SLC25A21: variants seen among roughly 807,000 people sequenced by gnomAD.
The protein encoded by SLC25A21 is solute carrier family 25 member 21, also known as mitochondrial 2-oxodicarboxylate carrier.
Under a neutral mutation model 43.8 loss-of-function variants are expected in SLC25A21, and 47 were observed. That is an observed-to-expected ratio of 1.07 (90% CI 0.85 to 1.37). The LOEUF is 1.37. SLC25A21 is among the 40% of genes most tolerant of loss of function. SLC25A21 has a pLI of 0.00. For missense variants in SLC25A21, 352 were observed against 350.2 expected (o/e 1.00, Z -0.04); for synonymous variants, 131 against 121.3 (o/e 1.08, Z -0.52).
At chr14:36,708,744 GTTTT>G (rs58837881) in intron 7 of SLC25A21, among the ~76,000 whole-genome samples, 30 of 108,448 alleles carry the variant, frequency 2.8e-4, no homozygotes, top group East Asian at 2.3e-3. Context: ...GCTAACGTTA[GTTTT>G]TTTTTTTTTT....
chr14:36,822,714 T>C (rs1160174275), intron 2 of SLC25A21, among the ~76,000 whole-genome samples: 1 of 152,216 alleles, frequency 6.6e-6, no homozygotes, highest in Non-Finnish European at 1.5e-5. Context: ...AAAAATACTA[T>C]CTCTCTGAAA....
intron 1 of SLC25A21, among the ~76,000 whole-genome samples, chr14:36,997,793 C>A (rs1215767026): frequency 3.4e-5 from 5 of 146,960 alleles, no homozygotes; most frequent in Admixed American, 3.4e-4. Context: ...GCACTGCAGC[C>A]TCAGTGACAA....
chr14:36,695,171 C>G (rs972494882), intron 7 of SLC25A21, among the ~76,000 whole-genome samples: 1 of 152,154 alleles, frequency 6.6e-6, no homozygotes, highest in Non-Finnish European at 1.5e-5. Flanking sequence ...ATAGGGAATC[C>G]TTTCCCCATT....
chr14:36,753,424 A>C (rs1885790262), intron 3 of SLC25A21, among the ~76,000 whole-genome samples: 1 of 152,114 alleles, frequency 6.6e-6, no homozygotes, highest in Non-Finnish European at 1.5e-5. Context: ...TATCAAAAGG[A>C]GAGAGAAAAT....
At chr14:37,122,645 G>GAC in intron 1 of SLC25A21, among the ~76,000 whole-genome samples, 1 of 111,016 alleles carries the variant, frequency 9.0e-6, no homozygotes, top group African/African-American at 3.3e-5. Flanking sequence ...TATAGTATGA[G>GAC]TACAACATTT....
chr14:37,069,547 T>C lies in SLC25A21; in HGVS notation c.70+102734A>G, dbSNP rs1032940652. On this transcript the variant is annotated intron_variant, in intron 1 of 9. Transcript: ENST00000331299. ...AGAAACAGTACCACATGCATCCTAA[T>C]AGAACTGCAGGCTGTTTTAATTTTA... is the stretch of plus-strand genomic sequence containing the variant. 1.3e-4 allele frequency among the ~76,000 whole-genome samples: 20 copies of C among 152,326 alleles called. No homozygotes were observed. The East Asian group carries it at 3.7e-3, about 28-fold the overall frequency.
chr14:36,925,905 AT>A (rs1234304613), intron 1 of SLC25A21, among the ~76,000 whole-genome samples: 1 of 152,056 alleles, frequency 6.6e-6, no homozygotes, highest in Non-Finnish European at 1.5e-5. Flanking sequence ...AAAGAAGAGA[AT>A]TGAAAGAAGT....
intron 1 of SLC25A21, among the ~76,000 whole-genome samples, chr14:37,164,484 A>G (rs1338516022): frequency 6.6e-6 from 1 of 152,164 alleles, no homozygotes; most frequent in Non-Finnish European, 1.5e-5. Flanking sequence ...CTGAATTTCC[A>G]AAGGTGCCAT....
chr14:36,977,933 T>C (rs1959917742), intron 1 of SLC25A21, among the ~76,000 whole-genome samples: 1 of 131,232 alleles, frequency 7.6e-6, no homozygotes, highest in South Asian at 2.5e-4. Context: ...CCTCAGTGAT[T>C]ACAAAGCTTT....
intron 1 of SLC25A21, among the ~76,000 whole-genome samples, chr14:36,923,946 C>G (rs1256603755): frequency 1.3e-5 from 2 of 152,140 alleles, no homozygotes; most frequent in Non-Finnish European, 2.9e-5. Flanking sequence ...CACTGGCCAT[C>G]AGAGAAATGC....
intron 1 of SLC25A21, among the ~76,000 whole-genome samples, chr14:36,981,545 G>A (rs1343525543): frequency 2.0e-5 from 3 of 152,162 alleles, no homozygotes; most frequent in Non-Finnish European, 4.4e-5. Flanking sequence ...GTAGGAACAT[G>A]GATGAAGCTG....
intron 1 of SLC25A21, among the ~76,000 whole-genome samples, chr14:37,111,691 T>C (rs1488811285): frequency 6.6e-6 from 1 of 152,224 alleles, no homozygotes; most frequent in Non-Finnish European, 1.5e-5. Flanking sequence ...ATTGCTACCA[T>C]ATATTTACTC....
chr14:37,008,252 C>T (rs1357585758), intron 1 of SLC25A21, among the ~76,000 whole-genome samples: 1 of 152,152 alleles, frequency 6.6e-6, no homozygotes, highest in Non-Finnish European at 1.5e-5. Context: ...CAGGCTTCTT[C>T]TTAATCTAAA....
At chr14:36,681,459 C>A (rs988674900) in intron 9 of SLC25A21, among the ~76,000 whole-genome samples, 2 of 152,182 alleles carry the variant, frequency 1.3e-5, no homozygotes, top group Non-Finnish European at 2.9e-5. Context: ...GGCACTGAGG[C>A]TGCTGAATAC....
chr14:37,040,954 G>A (rs1237473532), intron 1 of SLC25A21, among the ~76,000 whole-genome samples: 2 of 152,008 alleles, frequency 1.3e-5, no homozygotes, highest in African/African-American at 4.8e-5. Flanking sequence ...TGAGTTTGAT[G>A]TTGTATGAGA....
chr14:37,080,924 C>T lies in SLC25A21; in HGVS notation c.70+91357G>A, dbSNP rs116785622. Among the ~76,000 whole-genome samples the T allele has an allele frequency of 1.5e-3, 232 of 152,202 alleles. 1 individual carries two copies. Among genetic ancestry groups the T allele is most frequent in the African/African-American group, 5.2e-3 (215 of 41,530 alleles). On this transcript the variant is annotated intron_variant, in intron 1 of 9. Coordinates refer to ENST00000331299, the MANE Select transcript of SLC25A21 (RefSeq NM_030631.4). ...AAATATACAATTGTCTTTGGCTAAT[C>T]CAAAAGTTGTAGGTAGAATGAATAA...
chr14:37,061,928 G>T (rs866805158), intron 1 of SLC25A21, among the ~76,000 whole-genome samples: 1 of 152,138 alleles, frequency 6.6e-6, no homozygotes, highest in South Asian at 2.1e-4. Flanking sequence ...GACCGCCTAA[G>T]GGGAGGCCAC....
chr14:36,775,022 C>G (rs1886771754), intron 3 of SLC25A21, among the ~76,000 whole-genome samples: 1 of 152,186 alleles, frequency 6.6e-6, no homozygotes, highest in Admixed American at 6.5e-5. Flanking sequence ...ATTTTAATCA[C>G]TTTTATAGCA....
In SLC25A21 at chr14:36,678,994, A is replaced by AGAT. The variant is rs1196159294; in HGVS notation, c.*1661_*1663dup. The AGAT allele has an allele frequency of 1.0e-6, 1 of 965,182 alleles. No homozygotes were observed. The highest frequency in any genetic ancestry group is 4.9e-5 in the South Asian group (1 of 20,368). 59.8% of individuals were successfully genotyped at this position (965,182 alleles called of 1,614,324 possible). On this transcript the variant is annotated 3_prime_UTR_variant, in exon 10 of 10. Coordinates refer to ENST00000331299, the MANE Select transcript of SLC25A21 (RefSeq NM_030631.4). ...TGTTGACATATTTCCTCTATCTCAT[A>AGAT]GATGGTAAAAGTGTTGCTTTTAAAC...
Sources: allele counts gnomAD v4.1 joint callset (sites outside exome capture counted in the v4.1 genomes callset), GRCh38; gene constraint gnomAD v4.1.1; transcripts MANE v1.5; gene names NCBI Gene and HGNC (gene_info 2026-07-23, HGNC 2026-07-21).